ENAH: variants seen among roughly 807,000 people sequenced by gnomAD.
ENAH encodes the protein ENAH actin regulator.
Under a neutral mutation model 78.7 loss-of-function variants are expected in ENAH, and 23 were observed. That is an observed-to-expected ratio of 0.29 (90% CI 0.21 to 0.41). The LOEUF is 0.41. Ranked by LOEUF, ENAH falls within the 10% of genes least tolerant of loss-of-function variation. The pLI is 1.00. For missense variants in ENAH, 544 were observed against 691.0 expected (o/e 0.79, Z 2.39); for synonymous variants, 226 against 241.0 (o/e 0.94, Z 0.58).
At chr1:225,653,239 G>A (rs931245543), upstream of ENAH, 4 of 148,356 alleles carry the variant, frequency 2.7e-5, no homozygotes, top group Admixed American at 2.0e-4. The surrounding 1 kb of genome is among the most constrained non-coding windows in gnomAD (Gnocchi z 4.3). Context: ...GGGAGGGGAG[G>A]AAAGGGGAGG....
At chr1:225,542,028 A>T (rs1241114190) in intron 3 of ENAH, among the ~76,000 whole-genome samples, 1 of 152,276 alleles carries the variant, frequency 6.6e-6, no homozygotes, top group South Asian at 2.1e-4. Flanking sequence ...CTACAGGTGC[A>T]TACCACCACA....
At chr1:225,553,274 T>A (rs2096650532) in intron 3 of ENAH, among the ~76,000 whole-genome samples, 1 of 152,110 alleles carries the variant, frequency 6.6e-6, no homozygotes, top group Admixed American at 6.5e-5. Flanking sequence ...AATCAAACCA[T>A]ATGACTACTC....
intron 1 of ENAH, among the ~76,000 whole-genome samples, chr1:225,605,479 G>A (rs940338614): frequency 1.4e-4 from 21 of 152,306 alleles, no homozygotes; most frequent in Admixed American, 3.9e-4. Context: ...AAGAGGCAAG[G>A]CTAGAGTTCA....
chr1:225,517,128 C>A, intron 6 of ENAH, 68 bp downstream of exon 6: 1 of 1,321,628 alleles, frequency 7.6e-7, no homozygotes, highest in Non-Finnish European at 1.0e-6. Context: ...TCCATTCAGG[C>A]AATTAAAGTC....
chr1:225,630,714 G>A (rs761964007), intron 1 of ENAH, among the ~76,000 whole-genome samples: 1 of 152,104 alleles, frequency 6.6e-6, no homozygotes, highest in South Asian at 2.1e-4. Context: ...TACAAGTTTA[G>A]GGTTCCTATT....
At chr1:225,592,440 T>G (rs1222228038) in intron 1 of ENAH, among the ~76,000 whole-genome samples, 2 of 152,192 alleles carry the variant, frequency 1.3e-5, no homozygotes, top group Non-Finnish European at 2.9e-5. Context: ...TGGATACTCA[T>G]TTTATGTGGT....
Position 225,526,528 on chromosome 1 carries a change from C to G in ENAH, c.434+4026G>C, listed in dbSNP as rs533561842. 4.6e-5 allele frequency among the ~76,000 whole-genome samples: 7 copies of G among 151,772 alleles called. No individual in the cohort carries two copies. In the South Asian group the frequency reaches 1.5e-3, roughly 32 times the overall value. On this transcript the variant is annotated intron_variant, in intron 4 of 13. Coordinates refer to ENST00000366843, the MANE Select transcript of ENAH (RefSeq NM_018212.6). ...TAATTTTTGCATTTTTAGTAGAGAC[C>G]GGGTTTCACCATATTGGCCAGGCTG...
rs115491302 is a variant in ENAH, at chr1:225,572,436, T to C, written c.6-5022A>G. ...AAATGATATTTCTGGAATCTAAAAA[T>C]AGGAATATTTCAAAACAAAGACAAA... is the stretch of plus-strand genomic sequence containing the variant. On this transcript the variant is annotated intron_variant, in intron 1 of 13. Coordinates refer to ENST00000366843, the MANE Select transcript of ENAH (RefSeq NM_018212.6). Among the ~76,000 whole-genome samples the C allele has an allele frequency of 7.8e-3, 1,193 of 152,262 alleles. 9 individuals are homozygous for C. Among genetic ancestry groups the C allele is most frequent in the Non-Finnish European group, 0.013 (906 of 68,006 alleles).
At chr1:225,595,320 G>A (rs967172395) in intron 1 of ENAH, among the ~76,000 whole-genome samples, 4 of 151,248 alleles carry the variant, frequency 2.6e-5, no homozygotes, top group Non-Finnish European at 4.4e-5. Flanking sequence ...GCAACAGAGC[G>A]AGACTCTGTC....
intron 1 of ENAH, among the ~76,000 whole-genome samples, chr1:225,573,602 C>A (rs2096773978): frequency 6.6e-6 from 1 of 151,928 alleles, no homozygotes; most frequent in African/African-American, 2.4e-5. Context: ...GCAGCAAAAT[C>A]AAGAACAGAA....
chr1:225,640,783 A>G (rs1347564564), intron 1 of ENAH, among the ~76,000 whole-genome samples: 2 of 151,612 alleles, frequency 1.3e-5, no homozygotes, highest in African/African-American at 4.9e-5. Context: ...CATTTTTTTT[A>G]AACTCTAAGA....
At chr1:225,544,650 G>GT (rs2096604891) in intron 3 of ENAH, among the ~76,000 whole-genome samples, 1 of 152,158 alleles carries the variant, frequency 6.6e-6, no homozygotes, top group South Asian at 2.1e-4. Context: ...GTCCCACAAC[G>GT]TAAGACTAAA....
chr1:225,638,696 T>G (rs116793205), intron 1 of ENAH, among the ~76,000 whole-genome samples: 2,584 of 152,286 alleles, frequency 0.017, 29 homozygotes, highest in Non-Finnish European at 0.029. Context: ...ACTGAAGTAG[T>G]TCAGACTCAA....
chr1:225,539,372 T>A (rs1163454086), intron 3 of ENAH, among the ~76,000 whole-genome samples: 1 of 152,220 alleles, frequency 6.6e-6, no homozygotes, highest in Non-Finnish European at 1.5e-5. Context: ...TCCATTTTAC[T>A]GTTTTTTAAC....
intron 3 of ENAH, among the ~76,000 whole-genome samples, chr1:225,538,616 T>TC (rs397791641): frequency 2.6e-5 from 4 of 151,248 alleles, no homozygotes; most frequent in Admixed American, 6.6e-5. Flanking sequence ...TGGGTTTTTT[T>TC]CCCATCCTTT....
At chr1:225,572,273 G>A (rs773722420) in intron 1 of ENAH, among the ~76,000 whole-genome samples, 1 of 152,122 alleles carries the variant, frequency 6.6e-6, no homozygotes, top group Non-Finnish European at 1.5e-5. Flanking sequence ...TAAATTGGTG[G>A]TAAGCAGTTT....
At chr1:225,543,169 G>A (rs1191128257) in intron 3 of ENAH, among the ~76,000 whole-genome samples, 1 of 152,134 alleles carries the variant, frequency 6.6e-6, no homozygotes, top group Non-Finnish European at 1.5e-5. Flanking sequence ...CTGCAGAAGA[G>A]ACTGGAGACA....
At chr1:225,649,001 G>A (rs953779359) in intron 1 of ENAH, among the ~76,000 whole-genome samples, 2 of 152,064 alleles carry the variant, frequency 1.3e-5, no homozygotes, top group African/African-American at 4.8e-5. Context: ...GCAAGGTGGA[G>A]CCCACTGCCC....
chr1:225,652,386 G>T, intron 1 of ENAH: 1 of 985,422 alleles, frequency 1.0e-6, no homozygotes, highest in Non-Finnish European at 1.2e-6. Flanking sequence ...CGCTTGCAAA[G>T]GCTTGGGGGA....
Sources: allele counts gnomAD v4.1 joint callset (sites outside exome capture counted in the v4.1 genomes callset), GRCh38; gene constraint gnomAD v4.1.1; non-coding constraint Gnocchi (gnomAD v3.1); transcripts MANE v1.5; gene names NCBI Gene and HGNC (gene_info 2026-07-23, HGNC 2026-07-21).